Variants in PTPRN2 observed in about 807,000 individuals in gnomAD.
The protein encoded by PTPRN2 is protein tyrosine phosphatase receptor type N2.
In PTPRN2, 74 loss-of-function variants were observed where a neutral mutation model predicts 118.8. The observed-to-expected ratio is 0.62, with a 90% confidence interval of 0.52 to 0.76. The LOEUF (loss-of-function observed/expected upper bound fraction) is 0.76. Ranked by LOEUF, PTPRN2 falls within the 30% of genes least tolerant of loss-of-function variation. The pLI is 0.00. For missense variants in PTPRN2, 1,481 were observed against 1,394.4 expected (o/e 1.06, Z -0.99); for synonymous variants, 641 against 608.0 (o/e 1.05, Z -0.80).
chr7:157,964,136 C>T lies in PTPRN2; in HGVS notation c.1724-65399G>A, dbSNP rs866801928. Among the ~76,000 whole-genome samples, 26 of 152,254 alleles carry T rather than the reference C, an allele frequency of 1.7e-4. No homozygotes were observed. In the South Asian group the frequency reaches 2.3e-3, roughly 13 times the overall value. ...CAGTGACCTCCCTCTGTGTGGGACC[C>T]CCGTTCCCACTGGCACACCATGGGG... On this transcript the variant is annotated intron_variant, in intron 11 of 22. Transcript: ENST00000389418. This position sits in a 1 kb window ranked among gnomAD's most constrained non-coding sequence, Gnocchi z 9.0.
chr7:158,259,442 C>T (rs146221104), intron 3 of PTPRN2, among the ~76,000 whole-genome samples: 2 of 152,348 alleles, frequency 1.3e-5, no homozygotes, highest in East Asian at 3.9e-4. Context: ...ATCACAGACA[C>T]CCCTCAGAGC....
At chr7:158,571,531 T>C (rs1197231239) in intron 1 of PTPRN2, among the ~76,000 whole-genome samples, 17 of 143,772 alleles carry the variant, frequency 1.2e-4, no homozygotes, top group East Asian at 8.2e-4. Flanking sequence ...ATTTCTTTTT[T>C]TTTTTTTTTT....
chr7:157,688,803 C>T (rs1797321916), intron 12 of PTPRN2, among the ~76,000 whole-genome samples: 1 of 152,222 alleles, frequency 6.6e-6, no homozygotes, highest in African/African-American at 2.4e-5. Flanking sequence ...GGTCAGCGTT[C>T]GGCCCCGTCC....
At chr7:157,788,285 G>A (rs1255032879) in intron 12 of PTPRN2, among the ~76,000 whole-genome samples, 1 of 149,208 alleles carries the variant, frequency 6.7e-6, no homozygotes, top group Non-Finnish European at 1.5e-5. Context: ...TGAGGCAGGA[G>A]ATTCACTTGA....
At chr7:158,475,837 A>T (rs1820213746) in intron 2 of PTPRN2, among the ~76,000 whole-genome samples, 1 of 152,204 alleles carries the variant, frequency 6.6e-6, no homozygotes, top group Non-Finnish European at 1.5e-5. Context: ...AGGCAGTCTC[A>T]CGGGGAAGAA....
At position 157,611,716 on chromosome 7, in the gene PTPRN2, C is replaced by T. The variant is rs903491165; in HGVS notation, c.2345-7641G>A. ...GCGCCCGTGTGAAGACGAAGACAGCCGCGGTCATGCTGGGGACACGCGGAG... is the reference window on the plus strand; with the variant it reads ...GCGCCCGTGTGAAGACGAAGACAGCTGCGGTCATGCTGGGGACACGCGGAG... On this transcript the variant is annotated intron_variant, in intron 15 of 22. Coordinates refer to ENST00000389418, the MANE Select transcript of PTPRN2 (RefSeq NM_002847.5). This position sits in a 1 kb window ranked among gnomAD's most constrained non-coding sequence, Gnocchi z 5.9. 3.3e-5 allele frequency among the ~76,000 whole-genome samples: 5 copies of T among 151,776 alleles called. No individual in the cohort carries two copies. The highest frequency in any genetic ancestry group is 5.9e-5 in the Non-Finnish European group (4 of 67,968).
intron 12 of PTPRN2, among the ~76,000 whole-genome samples, chr7:157,816,259 T>C (rs752549460): frequency 1.3e-5 from 2 of 152,194 alleles, no homozygotes; most frequent in Non-Finnish European, 2.9e-5. Flanking sequence ...CCCGCCTCCC[T>C]GGGCCATGCT....
intron 12 of PTPRN2, among the ~76,000 whole-genome samples, chr7:157,853,262 A>C (rs907060393): frequency 2.0e-5 from 3 of 152,136 alleles, no homozygotes; most frequent in African/African-American, 7.2e-5. Flanking sequence ...CGCTCACATG[A>C]TGACGGCCGA....
intron 2 of PTPRN2, among the ~76,000 whole-genome samples, chr7:158,351,708 A>G (rs1807950655): frequency 6.6e-6 from 1 of 152,160 alleles, no homozygotes; most frequent in Non-Finnish European, 1.5e-5. Context: ...GCCAGTCCAC[A>G]GCCAGTCACG....
chr7:157,810,719 G>A (rs1461017890), intron 12 of PTPRN2, among the ~76,000 whole-genome samples: 3 of 144,520 alleles, frequency 2.1e-5, no homozygotes, highest in Admixed American at 6.9e-5. Context: ...CCACGGGGAC[G>A]GCGGGACTGC....
Position 157,603,921 on chromosome 7 carries a change from C to T in PTPRN2, c.2418+81G>A. Reference sequence around the variant, plus strand: ...GAGCTGGGTGGGGACGTGATTTCCCCCGAGAACCTTCCCACGTGATTTGCC... The same window carrying T: ...GAGCTGGGTGGGGACGTGATTTCCCTCGAGAACCTTCCCACGTGATTTGCC... On this transcript the variant is annotated intron_variant, in intron 16 of 22. Coordinates refer to ENST00000389418, the MANE Select transcript of PTPRN2 (RefSeq NM_002847.5). This position sits in a 1 kb window ranked among gnomAD's most constrained non-coding sequence, Gnocchi z 5.4. The T allele has an allele frequency of 7.2e-7, 1 of 1,381,444 alleles. No homozygotes were observed. Among genetic ancestry groups the T allele is most frequent in the Non-Finnish European group, 1.0e-6 (1 of 981,066 alleles). The allele number at this position is 1,381,444 out of a possible 1,614,324, so 85.6% of individuals were successfully genotyped here. A position where few individuals can be genotyped will look rare whatever the true frequency, so the allele number is the denominator to read the frequency against.
chr7:158,551,610 G>T (rs973260680), intron 1 of PTPRN2, among the ~76,000 whole-genome samples: 2 of 120,382 alleles, frequency 1.7e-5, no homozygotes. Flanking sequence ...CATTTGGGGG[G>T]CCCTGCCTCC....
At position 158,318,298 on chromosome 7, in the gene PTPRN2, A is replaced by C. The variant is rs557364818; in HGVS notation, c.164-1366T>G. ...AGGGAGAAAGGGGCAAAGAGGGAAA[A>C]TAAGGAGCGACTTCAAACATACCCA... On this transcript the variant is annotated intron_variant, in intron 2 of 22. Transcript: ENST00000389418. Among the ~76,000 whole-genome samples, 13 of 152,294 alleles carry C rather than the reference A, an allele frequency of 8.5e-5. 1 individual carries two copies. The South Asian group carries it at 2.7e-3, about 32-fold the overall frequency.
rs138733326 is a variant in PTPRN2, at chr7:158,363,282, T to C, written c.164-46350A>G. ...ATGCTTGGGAGGCCATGAGAGGCTA[T>C]GGGAGGACGCTCAGGTGCTCGCAGA... On this transcript the variant is annotated intron_variant, in intron 2 of 22. Coordinates refer to ENST00000389418, the MANE Select transcript of PTPRN2 (RefSeq NM_002847.5). 3.1e-3 allele frequency among the ~76,000 whole-genome samples: 464 copies of C among 151,820 alleles called. 5 individuals are homozygous for C. Among genetic ancestry groups the C allele is most frequent in the Middle Eastern group, 0.024 (7 of 290 alleles).
chr7:158,229,998 A>G (rs530521460), intron 3 of PTPRN2, among the ~76,000 whole-genome samples: 1 of 151,290 alleles, frequency 6.6e-6, no homozygotes, highest in South Asian at 2.1e-4. Context: ...GCAGCAAGAG[A>G]AAAGAAGCAA....
At chr7:158,045,904 T>TG (rs1808818216) in intron 11 of PTPRN2, among the ~76,000 whole-genome samples, 2 of 149,082 alleles carry the variant, frequency 1.3e-5, no homozygotes, top group African/African-American at 5.1e-5. Flanking sequence ...CCTGCGATCC[T>TG]GACGTCCTGA....
chr7:158,131,461 GACAC>G (rs979513374), intron 9 of PTPRN2, among the ~76,000 whole-genome samples: 1 of 137,522 alleles, frequency 7.3e-6, no homozygotes, highest in Non-Finnish European at 1.6e-5. Context: ...ACATCTACCT[GACAC>G]ACGCACTCAT....
chr7:157,838,318 C>G (rs969949054), intron 12 of PTPRN2, among the ~76,000 whole-genome samples: 9 of 146,654 alleles, frequency 6.1e-5, no homozygotes, highest in South Asian at 2.2e-4. Flanking sequence ...GGAGAAAGCT[C>G]CTCTCCGCCG....
chr7:158,337,638 T>G (rs62481683), intron 2 of PTPRN2, among the ~76,000 whole-genome samples: 2 of 32,862 alleles, frequency 6.1e-5, no homozygotes. Context: ...GCAGACGTCA[T>G]TCACACCCAC....
Sources: gnomAD v4.1 joint callset for allele counts (sites outside exome capture counted in the v4.1 genomes callset) on GRCh38, gnomAD v4.1.1 for gene constraint, Gnocchi (gnomAD v3.1) non-coding constraint, MANE v1.5 for transcripts, NCBI Gene and HGNC (gene_info 2026-07-23, HGNC 2026-07-21) for gene names.